LHFPL2: variants seen among roughly 807,000 people sequenced by gnomAD.
LHFPL2 encodes the protein LHFPL tetraspan subfamily member 2.
In LHFPL2, 7 loss-of-function variants were observed where a neutral mutation model predicts 17.5. The observed-to-expected ratio is 0.40, with a 90% CI of 0.23 to 0.75. The LOEUF is 0.75. LHFPL2 is among the 30% of genes least tolerant of loss of function. The pLI is 0.37. For synonymous variants in LHFPL2, 134 were observed against 116.2 expected (o/e 1.15, Z -0.99); for missense variants, 241 against 294.8 (o/e 0.82, Z 1.34).
At chr5:78,569,161 C>T (rs1426248266) in intron 2 of LHFPL2, among the ~76,000 whole-genome samples, 8 of 152,062 alleles carry the variant, frequency 5.3e-5, no homozygotes, top group Non-Finnish European at 4.4e-5. Flanking sequence ...CTTGAAGCAC[C>T]GAGGCAAATA....
chr5:78,510,842 GC>G (rs1755097298), intron 3 of LHFPL2, among the ~76,000 whole-genome samples: 1 of 152,224 alleles, frequency 6.6e-6, no homozygotes, highest in Non-Finnish European at 1.5e-5. Flanking sequence ...CTTTTTGCCT[GC>G]TGTTTTGGTA....
chr5:78,540,548 G>A (rs1050432286), intron 3 of LHFPL2, among the ~76,000 whole-genome samples: 6 of 152,176 alleles, frequency 3.9e-5, no homozygotes, highest in Non-Finnish European at 8.8e-5. Flanking sequence ...CCACCAGCAG[G>A]AACTGGCAGA....
intron 2 of LHFPL2, among the ~76,000 whole-genome samples, chr5:78,631,257 C>T (rs1440647496): frequency 6.6e-6 from 1 of 152,212 alleles, no homozygotes; most frequent in African/African-American, 2.4e-5. Context: ...GTCTGCATGC[C>T]AATGGCAGGG....
intron 2 of LHFPL2, among the ~76,000 whole-genome samples, chr5:78,584,079 T>C (rs1743268968): frequency 6.6e-6 from 1 of 151,922 alleles, no homozygotes; most frequent in South Asian, 2.1e-4. Flanking sequence ...TCGCATCGGC[T>C]CCTGAGGCTT....
Position 78,550,657 on chromosome 5 carries a change from G to A in LHFPL2, c.-186+14156C>T, listed in dbSNP as rs191923033. ...ATGATCTCGGCTCACTGCAATCTCC[G>A]CCTCCCGGGTTCAAGAAATTCTCTT... On this transcript the variant is annotated intron_variant, in intron 3 of 4. Transcript: ENST00000380345. Among the ~76,000 whole-genome samples, 1,247 of 152,078 alleles carry A rather than the reference G, an allele frequency of 8.2e-3. 14 individuals carry two copies. Among genetic ancestry groups the A allele is most frequent in the African/African-American group, 0.027 (1,110 of 41,458 alleles).
At position 78,645,200 on chromosome 5, in the gene LHFPL2, A is replaced by C. The variant is rs192121541; in HGVS notation, c.-350+3299T>G. ...CCAGTACAGCTCTTCTGAGTCAAAA[A>C]GGGAGCTTCCAGGGTCTATGGAAGT... On this transcript the variant is annotated intron_variant, in intron 1 of 4. Coordinates refer to ENST00000380345, the MANE Select transcript of LHFPL2 (RefSeq NM_005779.3). Among the ~76,000 whole-genome samples, 65 of 152,152 alleles carry C rather than the reference A, an allele frequency of 4.3e-4. 3 individuals are homozygous for C. In the East Asian group the frequency reaches 9.5e-3, roughly 22 times the overall value.
chr5:78,513,833 T>C (rs1215854872), intron 3 of LHFPL2, among the ~76,000 whole-genome samples: 1 of 152,172 alleles, frequency 6.6e-6, no homozygotes, highest in Non-Finnish European at 1.5e-5. Flanking sequence ...GAACTGTGAG[T>C]TCATTAAACC....
intron 2 of LHFPL2, among the ~76,000 whole-genome samples, chr5:78,627,412 C>G (rs773877256): frequency 9.2e-5 from 14 of 152,194 alleles, no homozygotes; most frequent in Non-Finnish European, 1.8e-4. Context: ...AGAAAGAAAC[C>G]AAGCTGCTTT....
intron 1 of LHFPL2, among the ~76,000 whole-genome samples, chr5:78,634,614 G>A (rs546404576): frequency 1.3e-5 from 2 of 152,334 alleles, no homozygotes; most frequent in Admixed American, 6.5e-5. Flanking sequence ...TCCAAGGGGT[G>A]TAATAAGCAT....
Position 78,485,464 on chromosome 5 carries a change from C to A in LHFPL2, c.*3433G>T, listed in dbSNP as rs1215169219. ...GTCCCTCCAGAGCACCTACTGACCC[C>A]CTCAGCCTTGGAAGGAGTTTCACCA... On this transcript the variant is annotated 3_prime_UTR_variant, in exon 5 of 5. Coordinates refer to ENST00000380345, the MANE Select transcript of LHFPL2 (RefSeq NM_005779.3). 6.6e-6 allele frequency: 1 copy of A among 152,628 alleles called. No homozygotes were observed. Among genetic ancestry groups the A allele is most frequent in the African/African-American group, 2.4e-5 (1 of 41,428 alleles). The allele number at this position is 152,628 out of a possible 1,614,324, so 9.5% of individuals were successfully genotyped here.
chr5:78,627,768 ACT>A (rs1293212331), intron 2 of LHFPL2, among the ~76,000 whole-genome samples: 1 of 152,114 alleles, frequency 6.6e-6, no homozygotes, highest in Non-Finnish European at 1.5e-5. Flanking sequence ...GCTCTGACTG[ACT>A]CTCTGCTAAC....
intron 3 of LHFPL2, among the ~76,000 whole-genome samples, chr5:78,524,017 C>T (rs762676908): frequency 4.6e-5 from 7 of 152,120 alleles, no homozygotes; most frequent in Non-Finnish European, 7.3e-5. Context: ...TTCAGACAAA[C>T]AGGAAGACCT....
chr5:78,508,231 C>T (rs1007490081), intron 4 of LHFPL2, among the ~76,000 whole-genome samples: 1 of 152,078 alleles, frequency 6.6e-6, no homozygotes, highest in Non-Finnish European at 1.5e-5. Context: ...CACTGAGACC[C>T]GGGGTGGTAC....
intron 2 of LHFPL2, among the ~76,000 whole-genome samples, chr5:78,574,190 A>G (rs1422420938): frequency 6.6e-6 from 1 of 152,218 alleles, no homozygotes; most frequent in African/African-American, 2.4e-5. Context: ...GAGGCCCACT[A>G]ACAGTGGGCG....
chr5:78,573,239 C>T (rs968313037), intron 2 of LHFPL2, among the ~76,000 whole-genome samples: 1 of 152,044 alleles, frequency 6.6e-6, no homozygotes. Flanking sequence ...ATCGTGACAG[C>T]CTTAAACCCA....
At chr5:78,565,145 T>TC (rs1756826736) in intron 2 of LHFPL2, among the ~76,000 whole-genome samples, 1 of 152,128 alleles carries the variant, frequency 6.6e-6, no homozygotes. Flanking sequence ...TCGTTTCCTT[T>TC]CCCCTCACAA....
rs1248030378 is a variant in LHFPL2 at position 78,487,414 on chromosome 5, C to CAA, written c.*1481_*1482dup. 6.6e-6 allele frequency: 1 copy of CAA among 152,180 alleles called. No homozygotes were observed. The highest frequency in any genetic ancestry group is 2.4e-5 in the African/African-American group (1 of 41,444). 9.4% of individuals were successfully genotyped at this position (152,180 alleles called of 1,614,324 possible). Reference sequence around the variant, plus strand: ...GTCCACAGAAGGTACTTTTTCAAAACAAAGTCCTCAAGTGAGCAGATTAAT... The same window carrying CAA: ...GTCCACAGAAGGTACTTTTTCAAAACAAAAAGTCCTCAAGTGAGCAGATTAAT... On this transcript the variant is annotated 3_prime_UTR_variant, in exon 5 of 5. Transcript: ENST00000380345.
chr5:78,487,264 C>G lies in LHFPL2; in HGVS notation c.*1633G>C, dbSNP rs1308981059. 6.6e-6 allele frequency: 1 copy of G among 152,182 alleles called. No individual in the cohort carries two copies. Among genetic ancestry groups the G allele is most frequent in the Non-Finnish European group, 1.5e-5 (1 of 68,038 alleles). 9.4% of individuals were successfully genotyped at this position (152,182 alleles called of 1,614,324 possible). A position where few individuals can be genotyped will look rare whatever the true frequency, so the allele number is the denominator to read the frequency against. On this transcript the variant is annotated 3_prime_UTR_variant, in exon 5 of 5. Coordinates refer to ENST00000380345, the MANE Select transcript of LHFPL2 (RefSeq NM_005779.3). Reference sequence around the variant, plus strand: ...AAACTGCGGTTGTCCCATTCCATCTCTGTATAATTATCTGTTCTGCACCAA... The same window carrying G: ...AAACTGCGGTTGTCCCATTCCATCTGTGTATAATTATCTGTTCTGCACCAA...
At chr5:78,556,370 C>T (rs1756572162) in intron 3 of LHFPL2, among the ~76,000 whole-genome samples, 1 of 152,106 alleles carries the variant, frequency 6.6e-6, no homozygotes, top group Non-Finnish European at 1.5e-5. Context: ...AACAACTATT[C>T]TATTTAGGAA....
Sources: allele counts gnomAD v4.1 joint callset (sites outside exome capture counted in the v4.1 genomes callset), GRCh38; gene constraint gnomAD v4.1.1; transcripts MANE v1.5; gene names NCBI Gene and HGNC (gene_info 2026-07-23, HGNC 2026-07-21).